The following TPRG1 variants were observed in gnomAD, a reference collection of about 807,000 sequenced individuals.
TPRG1 encodes tumor protein p63 regulated 1, also known as tumor protein p63-regulated gene 1 protein.
TPRG1 carries 29 observed loss-of-function variants against 29.3 expected under a neutral mutation model. The ratio of observed to expected loss-of-function variants is 0.99; its 90% CI spans 0.74 to 1.35. TPRG1 has a LOEUF of 1.35. Ranked by LOEUF, TPRG1 falls within the 40% of genes most tolerant of loss-of-function variation. TPRG1 has a pLI of 0.00. For missense variants in TPRG1, 327 were observed against 335.0 expected, an observed-to-expected ratio of 0.98 and a Z score of 0.19; for synonymous variants, 130 against 116.8, an observed-to-expected ratio of 1.11 and a Z score of -0.73.
At chr3:189,306,230 A>T (rs1721607611) in intron 4 of TPRG1, among the ~76,000 whole-genome samples, 1 of 152,324 alleles carries the variant, frequency 6.6e-6, no homozygotes, top group Middle Eastern at 3.4e-3. Context: ...GATTTAAAAG[A>T]TTACTTTTAA....
intron 1 of TPRG1, among the ~76,000 whole-genome samples, chr3:189,110,555 A>G (rs1325276066): frequency 6.6e-6 from 1 of 152,060 alleles, no homozygotes; most frequent in Non-Finnish European, 1.5e-5. Context: ...TAGGTAAAAT[A>G]TGTAAAAAAA....
intron 5 of TPRG1, among the ~76,000 whole-genome samples, chr3:189,166,316 C>G (rs1298484148): frequency 6.6e-6 from 1 of 152,202 alleles, no homozygotes; most frequent in African/African-American, 2.4e-5. Flanking sequence ...CGTTGCCATG[C>G]CAACTTAGGT....
intron 2 of TPRG1, among the ~76,000 whole-genome samples, chr3:189,001,251 A>G (rs1712004318): frequency 6.6e-6 from 1 of 152,202 alleles, no homozygotes; most frequent in South Asian, 2.1e-4. Flanking sequence ...AAACAACTAA[A>G]TCACAACAAT....
intron 5 of TPRG1, among the ~76,000 whole-genome samples, chr3:189,161,954 T>C (rs1166102384): frequency 6.6e-6 from 1 of 152,146 alleles, no homozygotes; most frequent in African/African-American, 2.4e-5. Context: ...ACTTTCTCTA[T>C]GTGGGGTGAT....
At chr3:189,074,843 G>A (rs190677113) in intron 4 of TPRG1, among the ~76,000 whole-genome samples, 4,843 of 149,926 alleles carry the variant, frequency 0.032, 122 homozygotes, top group Middle Eastern at 0.051. Flanking sequence ...ACGGAGTCTC[G>A]CTCTGTCGCC....
intron 4 of TPRG1, among the ~76,000 whole-genome samples, chr3:189,275,129 T>C (rs770007249): frequency 1.6e-4 from 25 of 152,156 alleles, no homozygotes; most frequent in Admixed American, 1.1e-3. Flanking sequence ...TGAGGCCTTT[T>C]TCTTTTTAGC....
chr3:189,020,079 C>A (rs541540804), intron 3 of TPRG1, among the ~76,000 whole-genome samples: 2 of 151,936 alleles, frequency 1.3e-5, no homozygotes, highest in South Asian at 2.1e-4. Flanking sequence ...GGTGGTGATA[C>A]CCCTTTATCA....
At chr3:189,144,452 A>T (rs1367584907) in intron 3 of TPRG1, among the ~76,000 whole-genome samples, 1 of 152,230 alleles carries the variant, frequency 6.6e-6, no homozygotes, top group East Asian at 1.9e-4. Context: ...ATTTCGAAAC[A>T]AAGAGGCAGG....
intron 4 of TPRG1, among the ~76,000 whole-genome samples, chr3:189,290,845 G>T (rs1576977990): frequency 6.6e-6 from 1 of 152,284 alleles, no homozygotes; most frequent in South Asian, 2.1e-4. Flanking sequence ...TTCTAAGATT[G>T]TGTGACTGAA....
intron 4 of TPRG1, among the ~76,000 whole-genome samples, chr3:189,068,161 G>A (rs931539251): frequency 6.6e-6 from 1 of 151,976 alleles, no homozygotes; most frequent in South Asian, 2.1e-4. Flanking sequence ...TCCAAAAGAG[G>A]CAATTGCTGG....
intron 1 of TPRG1, chr3:189,207,076 GGT>G: frequency 1.6e-6 from 1 of 637,040 alleles, no homozygotes; most frequent in Non-Finnish European, 2.0e-6. Flanking sequence ...GAAATTGTCT[GGT>G]AATTATTTTA....
At chr3:189,213,725 C>T (rs1735623044) in intron 2 of TPRG1, among the ~76,000 whole-genome samples, 1 of 152,152 alleles carries the variant, frequency 6.6e-6, no homozygotes, top group South Asian at 2.1e-4. Flanking sequence ...TAGAAGCAAA[C>T]ATAAATATTT....
chr3:189,270,197 A>G (rs1176808907), intron 4 of TPRG1, among the ~76,000 whole-genome samples: 1 of 152,100 alleles, frequency 6.6e-6, no homozygotes, highest in African/African-American at 2.4e-5. Flanking sequence ...AAGAGAGAAA[A>G]AAAAAAAAGG....
At chr3:189,131,038 T>C (rs1435845406) in intron 2 of TPRG1, among the ~76,000 whole-genome samples, 1 of 152,212 alleles carries the variant, frequency 6.6e-6, no homozygotes, top group Non-Finnish European at 1.5e-5. Flanking sequence ...TGCACAACTC[T>C]AAGTAACGTG....
At chr3:189,019,771 CTT>C (rs1207273620) in intron 3 of TPRG1, among the ~76,000 whole-genome samples, 1 of 150,930 alleles carries the variant, frequency 6.6e-6, no homozygotes, top group Non-Finnish European at 1.5e-5. Context: ...AGGATTCCCT[CTT>C]TTTCTATTGA....
At chr3:189,174,815 A>T (rs1020409125) in intron 1 of TPRG1, among the ~76,000 whole-genome samples, 6 of 152,216 alleles carry the variant, frequency 3.9e-5, no homozygotes, top group African/African-American at 1.4e-4. Context: ...AAAGAATAGG[A>T]AGGACAGTTG....
chr3:189,313,117 C>T (rs1722969790), intron 5 of TPRG1: 1 of 151,984 alleles, frequency 6.6e-6, no homozygotes, highest in Non-Finnish European at 1.5e-5. Flanking sequence ...TATTCAAAGG[C>T]CACCCAAAGT....
At chr3:189,314,103 G>T (rs1477259421) in intron 5 of TPRG1, among the ~76,000 whole-genome samples, 1 of 152,164 alleles carries the variant, frequency 6.6e-6, no homozygotes, top group Non-Finnish European at 1.5e-5. Context: ...AGATGACAAG[G>T]TTTCAGGATT....
chr3:189,146,329 C>T (rs923789556), intron 3 of TPRG1, among the ~76,000 whole-genome samples: 5 of 152,174 alleles, frequency 3.3e-5, no homozygotes, highest in South Asian at 2.1e-4. Context: ...GAAGAGAAGG[C>T]GCCCGTAAGT....
Sources: gnomAD v4.1 joint callset for allele counts (sites outside exome capture counted in the v4.1 genomes callset) on GRCh38, gnomAD v4.1.1 for gene constraint, MANE v1.5 for transcripts, NCBI Gene and HGNC (gene_info 2026-07-23, HGNC 2026-07-21) for gene names.